FAM169A: variants seen among roughly 807,000 people sequenced by gnomAD.
FAM169A encodes soluble lamin-associated protein of 75 kDa.
In FAM169A, 24 loss-of-function variants were observed where a neutral mutation model predicts 75.7. That is an observed-to-expected ratio of 0.32 (90% CI 0.23 to 0.45). FAM169A has a LOEUF of 0.45. Among genes scored for constraint, FAM169A ranks in the 20% least tolerant of loss-of-function variants. FAM169A has a pLI of 1.00. For missense variants in FAM169A, 673 were observed against 784.0 expected (o/e 0.86, Z 1.69); for synonymous variants, 271 against 271.0 (o/e 1.00, Z 0.00).
At chr5:74,851,383 G>A (rs1291520770) in intron 1 of FAM169A, among the ~76,000 whole-genome samples, 1 of 152,166 alleles carries the variant, frequency 6.6e-6, no homozygotes. Flanking sequence ...GCCAAAGCAG[G>A]ACTCATAAGG....
At position 74,809,607 on chromosome 5, in the gene FAM169A, A is replaced by G. The variant is rs567359313; in HGVS notation, c.670+4233T>C. On this transcript the variant is annotated intron_variant, in intron 6 of 12. Coordinates refer to ENST00000687041, the MANE Select transcript of FAM169A (RefSeq NM_001376049.1). Reference sequence around the variant, plus strand: ...CGAGACTACGTCTCAAAAAAAAAACATAACTCATAACTCAATAAGAAGGCA... The same window carrying G: ...CGAGACTACGTCTCAAAAAAAAAACGTAACTCATAACTCAATAAGAAGGCA... 5.3e-5 allele frequency among the ~76,000 whole-genome samples: 8 copies of G among 152,186 alleles called. No individual in the cohort carries two copies. The South Asian group carries it at 1.2e-3, about 24-fold the overall frequency.
intron 8 of FAM169A, among the ~76,000 whole-genome samples, chr5:74,803,759 A>G (rs779381268): frequency 3.9e-5 from 6 of 152,206 alleles, no homozygotes; most frequent in Non-Finnish European, 8.8e-5. Context: ...CTTTCAGGAT[A>G]CCTAATATTT....
chr5:74,854,918 G>A (rs912256782), intron 1 of FAM169A, among the ~76,000 whole-genome samples: 25 of 152,142 alleles, frequency 1.6e-4, no homozygotes, highest in African/African-American at 4.3e-4. Context: ...CAATAAACAC[G>A]GGAGTGCAGA....
intron 5 of FAM169A, among the ~76,000 whole-genome samples, chr5:74,824,494 T>G (rs531229208): frequency 6.6e-6 from 1 of 152,164 alleles, no homozygotes; most frequent in African/African-American, 2.4e-5. Context: ...CTTTAACAGA[T>G]AGTCCTTATC....
At chr5:74,799,641 G>C in intron 10 of FAM169A, 1 of 1,375,476 alleles carries the variant, frequency 7.3e-7, no homozygotes, top group Non-Finnish European at 1.0e-6. Context: ...CCGCCAGTGG[G>C]AGCCACCTGG....
intron 1 of FAM169A, chr5:74,865,655 C>T (rs983168526): frequency 1.3e-5 from 2 of 152,354 alleles, no homozygotes; most frequent in African/African-American, 4.8e-5. Context: ...AATATCTGTT[C>T]CAAAAGTAGT....
chr5:74,840,526 TAAA>T (rs35670470), intron 2 of FAM169A, among the ~76,000 whole-genome samples: 6 of 122,516 alleles, frequency 4.9e-5, no homozygotes, highest in African/African-American at 5.9e-5. Context: ...ATTATCTAGT[TAAA>T]AAAAAAAAAA....
chr5:74,834,023 C>A (rs1480991798), intron 5 of FAM169A, among the ~76,000 whole-genome samples: 1 of 152,108 alleles, frequency 6.6e-6, no homozygotes, highest in Non-Finnish European at 1.5e-5. Context: ...ATGAGGTGTG[C>A]TATGCATAAA....
At chr5:74,811,751 C>T (rs924705114) in intron 6 of FAM169A, among the ~76,000 whole-genome samples, 1 of 152,078 alleles carries the variant, frequency 6.6e-6, no homozygotes, top group Non-Finnish European at 1.5e-5. Context: ...TTTTAAATCA[C>T]CAAGTGATAT....
Position 74,836,170 on chromosome 5 carries a change from G to A in FAM169A, c.319-1573C>T, listed in dbSNP as rs530261762. 2.0e-5 allele frequency among the ~76,000 whole-genome samples: 3 copies of A among 152,174 alleles called. No individual in the cohort carries two copies. In the South Asian group the frequency reaches 6.2e-4, roughly 32 times the overall value. On this transcript the variant is annotated intron_variant, in intron 4 of 12. Coordinates refer to ENST00000687041, the MANE Select transcript of FAM169A (RefSeq NM_001376049.1). ...AAACAAAGTTTTTATTAGCTTTTTT[G>A]CTTATCTGGATTTTACTGCTAATTA...
intron 1 of FAM169A, among the ~76,000 whole-genome samples, chr5:74,846,401 AAAG>A (rs1325402743): frequency 6.6e-6 from 1 of 152,226 alleles, no homozygotes; most frequent in Non-Finnish European, 1.5e-5. Context: ...ATGGCAGCAT[AAAG>A]AATACAAAAT....
At chr5:74,816,753 C>T (rs1291262758) in intron 5 of FAM169A, among the ~76,000 whole-genome samples, 1 of 152,140 alleles carries the variant, frequency 6.6e-6, no homozygotes, top group Non-Finnish European at 1.5e-5. Flanking sequence ...AATTTACTAG[C>T]TCAGATTACA....
intron 10 of FAM169A, among the ~76,000 whole-genome samples, chr5:74,796,701 G>A (rs556924300): frequency 6.6e-6 from 1 of 151,606 alleles, no homozygotes; most frequent in Non-Finnish European, 1.5e-5. Context: ...ACAGCGCCCA[G>A]CCTGAATCTT....
chr5:74,842,420 C>CCA (rs1748921765), intron 1 of FAM169A, among the ~76,000 whole-genome samples: 2 of 22,462 alleles, frequency 8.9e-5, no homozygotes, highest in South Asian at 3.6e-3. Context: ...GACTCTATCA[C>CCA]AAAAAAAAAA....
At chr5:74,841,972 C>T (rs887396314) in intron 1 of FAM169A, among the ~76,000 whole-genome samples, 1 of 151,966 alleles carries the variant, frequency 6.6e-6, no homozygotes, top group African/African-American at 2.4e-5. Context: ...TATGTACATA[C>T]ACACAAAAAT....
chr5:74,866,533 G>T (rs558540967), upstream of FAM169A: 2 of 552,310 alleles, frequency 3.6e-6, no homozygotes, highest in Non-Finnish European at 4.6e-6. Context: ...GCGCCGGCCC[G>T]GCAGGTGCGG....
At chr5:74,824,983 T>C (rs948384355) in intron 5 of FAM169A, among the ~76,000 whole-genome samples, 2 of 152,094 alleles carry the variant, frequency 1.3e-5, no homozygotes, top group African/African-American at 4.8e-5. Context: ...CCAACACCCC[T>C]AAATAGTAAT....
At chr5:74,834,246 CT>C (rs1236269962) in intron 5 of FAM169A, among the ~76,000 whole-genome samples, 179 bp downstream of exon 5, 2 of 152,112 alleles carry the variant, frequency 1.3e-5, no homozygotes, top group African/African-American at 4.8e-5. Context: ...TTTCAAAACA[CT>C]TTCCCAACAA....
intron 6 of FAM169A, among the ~76,000 whole-genome samples, chr5:74,812,078 A>G (rs1747223638): frequency 6.6e-6 from 1 of 152,222 alleles, no homozygotes; most frequent in South Asian, 2.1e-4. Context: ...TTTCTCATGG[A>G]TGGTACATGC....
Sources: allele counts gnomAD v4.1 joint callset (sites outside exome capture counted in the v4.1 genomes callset), GRCh38; gene constraint gnomAD v4.1.1; transcripts MANE v1.5; gene names NCBI Gene and HGNC (gene_info 2026-07-23, HGNC 2026-07-21).